The following NOC2L variants were observed in gnomAD, a reference collection of about 807,000 sequenced individuals.
The protein encoded by NOC2L is nucleolar complex protein 2 homolog.
NOC2L carries 101 observed loss-of-function variants against 94.2 expected under a neutral mutation model. The ratio of observed to expected loss-of-function variants is 1.07; its 90% CI spans 0.91 to 1.26. The LOEUF (loss-of-function observed/expected upper bound fraction) is 1.26. Among genes scored for constraint, NOC2L ranks in the 50% most tolerant of loss-of-function variants. The probability of loss-of-function intolerance (pLI) is 0.00; values close to 1 mark genes in which losing one functional copy is unlikely to be tolerated. For synonymous variants in NOC2L, 531 were observed against 413.4 expected (o/e 1.28, Z -3.45); for missense variants, 1,076 against 980.1 (o/e 1.10, Z -1.31).
Position 944,339 on chromosome 1 carries a change from G to A in NOC2L, c.*355C>T. 1.4e-6 allele frequency: 2 copies of A among 1,379,764 alleles called. No homozygotes were observed. The highest frequency in any genetic ancestry group is 1.9e-6 in the Non-Finnish European group (2 of 1,074,482). 85.5% of individuals were successfully genotyped at this position (1,379,764 alleles called of 1,614,324 possible). ...CTTGGGGGAGTGAAGGCAGAGCCTG[G>A]TGCAGATGGACGAGGTCTGCAGACG... On this transcript the variant is annotated 3_prime_UTR_variant, in exon 19 of 19. Transcript: ENST00000327044.
At chr1:958,411 G>T in intron 2 of NOC2L, 1 of 313,442 alleles carries the variant, frequency 3.2e-6, no homozygotes, top group Non-Finnish European at 6.3e-6. Flanking sequence ...CACCACGCCC[G>T]GCTAATTTTT....
At chr1:946,637 C>A in intron 14 of NOC2L, 92 bp from the exon 15 acceptor site, 7 of 1,471,570 alleles carry the variant, frequency 4.8e-6, no homozygotes, top group Non-Finnish European at 6.5e-6. Flanking sequence ...GTGGTGGCCA[C>A]GGGGATACCC....
chr1:944,983 C>T lies in NOC2L; in HGVS notation c.2143+74G>A, dbSNP rs1642053703. 3.7e-6 allele frequency: 6 copies of T among 1,605,090 alleles called. No individual in the cohort carries two copies. In the South Asian group the frequency reaches 4.4e-5, roughly 12 times the overall value. ...AAAGCCTGGCCCAGAGCCCCACGCC[C>T]CCCGCCCACGTGGCTCTGCCCTCCC... is the stretch of plus-strand genomic sequence containing the variant. On this transcript the variant is annotated intron_variant, in intron 18 of 18. Transcript: ENST00000327044.
chr1:946,576 C>T, intron 14 of NOC2L, 31 bp from the exon 15 acceptor site: 1 of 1,604,638 alleles, frequency 6.2e-7, no homozygotes, highest in South Asian at 1.1e-5. Flanking sequence ...CCACTGAAGC[C>T]CAGGACCGCT....
At chr1:954,239 G>A (rs1479072435) in intron 6 of NOC2L, 157 bp from the exon 7 acceptor site, 1 of 641,834 alleles carries the variant, frequency 1.6e-6, no homozygotes, top group Admixed American at 3.0e-5. Flanking sequence ...CTTACAGCTG[G>A]ACAGACACAG....
Position 958,917 on chromosome 1 carries a change from G to A in NOC2L, c.179+12C>T. On this transcript the variant is annotated intron_variant, in intron 2 of 18. Coordinates refer to ENST00000327044, the MANE Select transcript of NOC2L (RefSeq NM_015658.4). Reference sequence around the variant, plus strand: ...CGAGCAAGAGGTTCTGCTCACGCATGTCCCCACTAACCTGGCCGAGGGGCT... The same window carrying A: ...CGAGCAAGAGGTTCTGCTCACGCATATCCCCACTAACCTGGCCGAGGGGCT... 1.2e-6 allele frequency: 2 copies of A among 1,612,682 alleles called. No individual in the cohort carries two copies. The highest frequency in any genetic ancestry group is 1.1e-5 in the South Asian group (1 of 91,088).
chr1:956,001 A>G lies in NOC2L; in HGVS notation c.620T>C (p.Leu207Pro), dbSNP rs756202165. Residue 207 changes from leucine (L) to proline (P), a missense_variant, in exon 6 of 19, where the codon CTG becomes CCG. Coordinates refer to ENST00000327044, the MANE Select transcript of NOC2L (RefSeq NM_015658.4). ...GAGGTCTCTGATGCAGAAGGTAACC[A>G]GAGCATTGAATGCTGCAACGAAAAG... Reference protein sequence around the residue: ...QVTDSAAFNALVTFCIRDLIG... With the variant: ...QVTDSAAFNAPVTFCIRDLIG... The G allele has an allele frequency of 6.2e-7, 1 of 1,613,948 alleles. No individual in the cohort carries two copies. The highest frequency in any genetic ancestry group is 2.2e-5 in the East Asian group (1 of 44,876).
chr1:953,747 C>T (rs1336871529), intron 8 of NOC2L, 35 bp downstream of exon 8: 4 of 1,504,810 alleles, frequency 2.7e-6, no homozygotes, highest in Admixed American at 3.3e-5. Flanking sequence ...CCCCCGACCC[C>T]ATGACAGACA....
chr1:950,257 A>G (rs938846896), intron 12 of NOC2L, among the ~76,000 whole-genome samples: 6 of 151,838 alleles, frequency 4.0e-5, no homozygotes, highest in African/African-American at 9.7e-5. Context: ...GCATGCACAC[A>G]AGTGCACACA....
chr1:957,164 A>G lies in NOC2L; in HGVS notation c.289T>C (p.Phe97Leu), dbSNP rs756140824. Residue 97 changes from phenylalanine (F) to leucine (L), a missense_variant, in exon 3 of 19, where the codon TTC (phenylalanine) becomes CTC (leucine). Transcript: ENST00000327044. ...TCCTCAGAGCTGTCCGAGTCGCTGA[A>G]GTTTAGCAGGCTCTGGTCATTCTCC... The part of the protein sequence containing the change: ...LQENDQSLLN[F>L]SDSDSSEEEE... 2 of 1,614,082 alleles carry G rather than the reference A, an allele frequency of 1.2e-6. No homozygotes were observed. The highest frequency in any genetic ancestry group is 1.7e-6 in the Non-Finnish European group (2 of 1,180,032).
At chr1:953,656 C>G (rs1488958234) in intron 8 of NOC2L, 126 bp downstream of exon 8, 1 of 735,330 alleles carries the variant, frequency 1.4e-6, no homozygotes, top group Middle Eastern at 3.8e-4. Context: ...TGTGGCCTCT[C>G]TAGCCAAGCG....
In NOC2L at chr1:953,985, C is replaced by G; in HGVS notation, c.777+19G>C. 6.2e-7 allele frequency: 1 copy of G among 1,603,726 alleles called. No individual in the cohort carries two copies. The highest frequency in any genetic ancestry group is 8.5e-7 in the Non-Finnish European group (1 of 1,173,664). ...CCAGATACAGCCAGGCCCCCGTGCC[C>G]TCCCCACCAGAATAGCACCTGTATG... On this transcript the variant is annotated intron_variant, in intron 7 of 18. Transcript: ENST00000327044.
Position 953,896 on chromosome 1 carries a change from G to T in NOC2L, c.778-4C>A. ...TCTCCGACAGACAGGACACCAGCTG[G>T]GGGCAGGAGGGGACAGTGAAGCCCC... On this transcript the variant is annotated splice_polypyrimidine_tract_variant and splice_region_variant and intron_variant, in intron 7 of 18. Transcript: ENST00000327044. The T allele has an allele frequency of 6.2e-7, 1 of 1,612,720 alleles. No individual in the cohort carries two copies. Among genetic ancestry groups the T allele is most frequent in the Non-Finnish European group, 8.5e-7 (1 of 1,179,566 alleles).
chr1:947,265 G>C (rs969179398), intron 14 of NOC2L, among the ~76,000 whole-genome samples: 11 of 152,192 alleles, frequency 7.2e-5, no homozygotes, highest in African/African-American at 2.7e-4. Flanking sequence ...CCCAATGCCA[G>C]GTATCACCAC....
At chr1:946,367 G>A (rs1252985847) in intron 15 of NOC2L, 35 bp downstream of exon 15, 3 of 1,613,296 alleles carry the variant, frequency 1.9e-6, no homozygotes, top group Middle Eastern at 1.7e-4. Context: ...CCTGGCAGGT[G>A]CCCTCAGGTG....
In NOC2L at chr1:959,108, G is replaced by T. The variant is rs113687371; in HGVS notation, c.27-27C>A. 2.0e-4 allele frequency: 315 copies of T among 1,610,070 alleles called. 1 individual carries two copies. In the African/African-American group the frequency reaches 3.8e-3, roughly 19 times the overall value. Reference sequence around the variant, plus strand: ...TGCGGGTCACGCAGGAGTCACAGCTGCCCGCACGCCCAGCTCGCCCCAGCC... The same window carrying T: ...TGCGGGTCACGCAGGAGTCACAGCTTCCCGCACGCCCAGCTCGCCCCAGCC... On this transcript the variant is annotated intron_variant, in intron 1 of 18. Transcript: ENST00000327044.
At position 951,915 on chromosome 1, in the gene NOC2L, G is replaced by A. The variant is rs1642270184; in HGVS notation, c.1331+85C>T. On this transcript the variant is annotated intron_variant, in intron 11 of 18. Transcript: ENST00000327044. ...ACACAGACTCAGGCCCCAAGGCCCT[G>A]AACGCCAGAGGCACCGCCCACACAG... is the stretch of plus-strand genomic sequence containing the variant. The A allele has an allele frequency of 4.0e-6, 6 of 1,484,744 alleles. No homozygotes were observed. In the South Asian group the frequency reaches 6.5e-5, roughly 16 times the overall value. The allele number at this position is 1,484,744 out of a possible 1,614,324, so 92.0% of individuals were successfully genotyped here.
intron 2 of NOC2L, chr1:957,531 C>A: frequency 2.1e-6 from 1 of 484,072 alleles, no homozygotes; most frequent in Non-Finnish European, 3.8e-6. Context: ...AGGCCCCCAG[C>A]CGCGGTCTTC....
Position 951,214 on chromosome 1 carries a change from G to A in NOC2L, c.1356C>T (p.Tyr452=). 2 of 1,591,100 alleles carry A rather than the reference G, an allele frequency of 1.3e-6. No individual in the cohort carries two copies. Among genetic ancestry groups the A allele is most frequent in the Non-Finnish European group, 1.7e-6 (2 of 1,168,992 alleles). The change falls in exon 12 of 19, where the codon TAC becomes TAT. Residue 452 remains tyrosine (Y), a synonymous_variant. Transcript: ENST00000327044. ...CIKLIPTARF[Y]PLRMHCIRAL... is the part of the protein sequence containing the mutation. ...CACGGATGCAGTGCATTCGCAGCGG[G>A]TAGAAGCGGGCAGTGGGGATGAGCC...
Sources: gnomAD v4.1 joint callset for allele counts (sites outside exome capture counted in the v4.1 genomes callset) on GRCh38, gnomAD v4.1.1 for gene constraint, MANE v1.5 for transcripts, NCBI Gene and HGNC (gene_info 2026-07-23, HGNC 2026-07-21) for gene names.